TMTC1: variants seen among roughly 807,000 people sequenced by gnomAD.
The protein encoded by TMTC1 is protein O-mannosyl-transferase TMTC1.
TMTC1 carries 73 observed loss-of-function variants against 104.8 expected under a neutral mutation model. That is an observed-to-expected ratio of 0.70 (90% CI 0.58 to 0.85). TMTC1 has a LOEUF of 0.85. TMTC1 is among the 40% of genes least tolerant of loss of function. TMTC1 has a pLI of 0.00. For missense variants in TMTC1, 1,035 were observed against 1,096.1 expected (o/e 0.94, Z 0.79); for synonymous variants, 434 against 428.7 (o/e 1.01, Z -0.15).
At chr12:29,700,239 GT>G (rs1486035476) in intron 5 of TMTC1, among the ~76,000 whole-genome samples, 10 of 132,750 alleles carry the variant, frequency 7.5e-5, no homozygotes, top group Admixed American at 7.5e-5. Flanking sequence ...TTTTTTTTTT[GT>G]TTTTTTTTTT....
intron 5 of TMTC1, chr12:29,659,959 G>A (rs995762686): frequency 5.5e-5 from 85 of 1,535,724 alleles, no homozygotes; most frequent in Non-Finnish European, 4.4e-5. Context: ...ATTATCCACA[G>A]ACGGAAGTAC....
At chr12:29,574,065 G>A (rs894464930) in intron 8 of TMTC1, among the ~76,000 whole-genome samples, 11 of 152,092 alleles carry the variant, frequency 7.2e-5, no homozygotes, top group African/African-American at 2.7e-4. Context: ...CAGAATTTCA[G>A]CAGGGGCCAT....
chr12:29,597,246 T>C lies in TMTC1; in HGVS notation c.1250+6932A>G, dbSNP rs534172515. Among the ~76,000 whole-genome samples the C allele has an allele frequency of 7.5e-4, 112 of 149,048 alleles. 1 individual carries two copies. Among genetic ancestry groups the C allele is most frequent in the South Asian group, 2.7e-3 (13 of 4,752 alleles). On this transcript the variant is annotated intron_variant, in intron 7 of 17. Coordinates refer to ENST00000539277, the MANE Select transcript of TMTC1 (RefSeq NM_001193451.2). Reference sequence around the variant, plus strand: ...TTTTCTTTCTTTCTTTTCTTTCTTTTTTTTTTTTTTTTGAGATAAGGTATC... The same window carrying C: ...TTTTCTTTCTTTCTTTTCTTTCTTTCTTTTTTTTTTTTGAGATAAGGTATC...
At chr12:29,777,390 G>A (rs186727580) in intron 1 of TMTC1, among the ~76,000 whole-genome samples, 11 of 152,180 alleles carry the variant, frequency 7.2e-5, no homozygotes, top group Admixed American at 1.3e-4. Context: ...CACCGTGCCC[G>A]ACCTCCTTAC....
At chr12:29,652,797 C>T (rs1186342583) in intron 5 of TMTC1, among the ~76,000 whole-genome samples, 1 of 152,206 alleles carries the variant, frequency 6.6e-6, no homozygotes, top group Non-Finnish European at 1.5e-5. Flanking sequence ...CACAGTGGCT[C>T]ACGCCTGAAA....
At chr12:29,758,920 GAT>G in intron 2 of TMTC1, 143 bp from the exon 3 acceptor site, 2 of 694,394 alleles carry the variant, frequency 2.9e-6, no homozygotes, top group Non-Finnish European at 4.5e-6. Context: ...TTCAAGTTCT[GAT>G]ATATGGCTAA....
In TMTC1 at chr12:29,664,061, C is replaced by T. The variant is rs1184767763; in HGVS notation, c.939-30725G>A. On this transcript the variant is annotated intron_variant, in intron 5 of 17. Coordinates refer to ENST00000539277, the MANE Select transcript of TMTC1 (RefSeq NM_001193451.2). The stretch of plus-strand genomic sequence containing the variant: ...AATTAGCCGGGCGTAGTGGCGGGCG[C>T]CTGTAGTCCCAGCTACTTGGGAGGC... Among the ~76,000 whole-genome samples the T allele has an allele frequency of 2.0e-5, 3 of 150,344 alleles. No individual in the cohort carries two copies. In the East Asian group the frequency reaches 5.9e-4, roughly 30 times the overall value.
At chr12:29,749,311 A>G (rs1943033158) in intron 5 of TMTC1, among the ~76,000 whole-genome samples, 1 of 152,110 alleles carries the variant, frequency 6.6e-6, no homozygotes, top group Admixed American at 6.5e-5. Context: ...TCATTGGCAA[A>G]TTTATTGAAA....
chr12:29,615,395 A>C (rs1946950494), intron 6 of TMTC1, among the ~76,000 whole-genome samples: 2 of 152,196 alleles, frequency 1.3e-5, no homozygotes, highest in Admixed American at 6.5e-5. Flanking sequence ...AGGCCAAGAA[A>C]ACTCCCTCGA....
At chr12:29,776,244 G>A (rs904623509) in intron 1 of TMTC1, among the ~76,000 whole-genome samples, 2 of 152,154 alleles carry the variant, frequency 1.3e-5, no homozygotes, top group African/African-American at 4.8e-5. Flanking sequence ...CACCTAAGAA[G>A]AGTAAGATCC....
intron 10 of TMTC1, among the ~76,000 whole-genome samples, chr12:29,546,695 A>C (rs1266889239): frequency 6.6e-6 from 1 of 152,154 alleles, no homozygotes; most frequent in East Asian, 1.9e-4. Context: ...AGTAAGACAA[A>C]TGTATGCAGA....
intron 7 of TMTC1, among the ~76,000 whole-genome samples, chr12:29,588,637 C>T (rs911372911): frequency 3.9e-5 from 6 of 152,066 alleles, no homozygotes; most frequent in African/African-American, 1.4e-4. Context: ...CAACAGCTAG[C>T]GAATGAGTAA....
chr12:29,632,016 T>C (rs1276649286), intron 6 of TMTC1, among the ~76,000 whole-genome samples: 6 of 152,230 alleles, frequency 3.9e-5, no homozygotes, highest in Admixed American at 2.6e-4. Context: ...TTAATTTTGC[T>C]TGTGCATATG....
At position 29,783,818 on chromosome 12, in the gene TMTC1, C is replaced by A; in HGVS notation, c.-67G>T. On this transcript the variant is annotated 5_prime_UTR_variant, in exon 1 of 18. Transcript: ENST00000539277. The surrounding 1 kb of genome is among the most constrained non-coding windows in gnomAD (Gnocchi z 4.7). ...TCTGGCATCCTCCCCTACCGGGGCC[C>A]CGGCGGCGCGCGGCGTCTGCCCGGA... The A allele has an allele frequency of 9.0e-7, 1 of 1,107,392 alleles. No individual in the cohort carries two copies. Among genetic ancestry groups the A allele is most frequent in the Non-Finnish European group, 1.1e-6 (1 of 909,736 alleles). The allele number at this position is 1,107,392 out of a possible 1,614,324, so 68.6% of individuals were successfully genotyped here. A position where few individuals can be genotyped will look rare whatever the true frequency, so the allele number is the denominator to read the frequency against.
upstream of TMTC1, chr12:29,784,182 C>T (rs1943906268): frequency 6.6e-6 from 1 of 152,390 alleles, no homozygotes; most frequent in Non-Finnish European, 1.5e-5. Flanking sequence ...CGGCTGTGCT[C>T]ACCCCCACGC....
chr12:29,556,034 T>C (rs114638551), intron 10 of TMTC1, among the ~76,000 whole-genome samples: 1 of 149,342 alleles, frequency 6.7e-6, no homozygotes, highest in Non-Finnish European at 1.5e-5. Flanking sequence ...TAAATTTCCA[T>C]TTCTGATATT....
At chr12:29,635,347 T>A (rs148592333) in intron 5 of TMTC1, among the ~76,000 whole-genome samples, 85 of 152,268 alleles carry the variant, frequency 5.6e-4, no homozygotes, top group African/African-American at 2.0e-3. Flanking sequence ...CCACTAAAGG[T>A]TCTCTATGAC....
Position 29,783,536 on chromosome 12 carries a change from G to T in TMTC1, c.216C>A (p.Gly72=). ...DVRPGAPLRW[G]IFTNDFWGKG... is the part of the protein sequence containing the mutation. ...TGCCCCAGAAGTCGTTGGTGAAGAT[G>T]CCCCAGCGGAGCGGGGCGCCGGGCC... Residue 72 remains glycine, a synonymous_variant, in exon 1 of 18, where the codon GGC becomes GGA. Coordinates refer to ENST00000539277, the MANE Select transcript of TMTC1 (RefSeq NM_001193451.2). This position sits in a 1 kb window ranked among gnomAD's most constrained non-coding sequence, Gnocchi z 4.7. 1 of 1,466,102 alleles carries T rather than the reference G, an allele frequency of 6.8e-7. No individual in the cohort carries two copies. Among genetic ancestry groups the T allele is most frequent in the East Asian group, 2.8e-5 (1 of 35,100 alleles). The allele number at this position is 1,466,102 out of a possible 1,614,324, so 90.8% of individuals were successfully genotyped here.
At chr12:29,733,172 A>G (rs529621821) in intron 5 of TMTC1, among the ~76,000 whole-genome samples, 2 of 152,322 alleles carry the variant, frequency 1.3e-5, no homozygotes, top group Admixed American at 1.3e-4. Flanking sequence ...TTTAATCATC[A>G]TAACAATCCT....
Sources: allele counts gnomAD v4.1 joint callset (sites outside exome capture counted in the v4.1 genomes callset), GRCh38; gene constraint gnomAD v4.1.1; non-coding constraint Gnocchi (gnomAD v3.1); transcripts MANE v1.5; gene names NCBI Gene and HGNC (gene_info 2026-07-23, HGNC 2026-07-21).